The following FRYL variants were observed in gnomAD, a reference collection of about 807,000 sequenced individuals.
The protein encoded by FRYL is FRY like transcription coactivator.
Under a neutral mutation model 351.2 loss-of-function variants are expected in FRYL, and 150 were observed. That is an observed-to-expected ratio of 0.43 (90% CI 0.37 to 0.49). The LOEUF (loss-of-function observed/expected upper bound fraction) is 0.49. Among genes scored for constraint, FRYL ranks in the 20% least tolerant of loss-of-function variants. The pLI is 0.00. For missense variants in FRYL, 3,036 were observed against 3,619.3 expected (o/e 0.84, Z 4.13); for synonymous variants, 1,153 against 1,257.1 (o/e 0.92, Z 1.75).
intron 3 of FRYL, chr4:48,638,018 T>C (rs1560765761): frequency 1.3e-5 from 2 of 152,012 alleles, no homozygotes; most frequent in East Asian, 3.9e-4. Context: ...GCCCTCAAAA[T>C]ACACACTAGT....
At chr4:48,578,898 T>C (rs1740260328) in intron 23 of FRYL, 75 bp downstream of exon 23, 1 of 1,319,488 alleles carries the variant, frequency 7.6e-7, no homozygotes, top group African/African-American at 1.5e-5. Context: ...GTAATACTTT[T>C]GAATTTTTCA....
chr4:48,735,240 T>G (rs1204169486), intron 1 of FRYL, among the ~76,000 whole-genome samples: 1 of 89,474 alleles, frequency 1.1e-5, no homozygotes, highest in African/African-American at 4.4e-5. Flanking sequence ...TCACTGGTCA[T>G]CAGAGAAATG....
intron 1 of FRYL, among the ~76,000 whole-genome samples, chr4:48,741,657 C>T (rs1772091016): frequency 6.6e-6 from 1 of 152,014 alleles, no homozygotes; most frequent in Admixed American, 6.6e-5. Flanking sequence ...AATGGCGCCA[C>T]TATACTCCAT....
rs528424235 is a variant in FRYL at position 48,600,480 on chromosome 4, G to GA, written c.1035+1539dup. Reference sequence around the variant, plus strand: ...GATTGACATAGCCATTAATGAAAATGAACAATATGCCAGAAATATTTAACA... The same window carrying GA: ...GATTGACATAGCCATTAATGAAAATGAAACAATATGCCAGAAATATTTAACA... On this transcript the variant is annotated intron_variant, in intron 13 of 63. Transcript: ENST00000358350. Among the ~76,000 whole-genome samples the GA allele has an allele frequency of 5.7e-3, 865 of 152,154 alleles. 12 individuals carry two copies. The highest frequency in any genetic ancestry group is 4.5e-3 in the Non-Finnish European group (309 of 67,992).
intron 50 of FRYL, 33 bp downstream of exon 50, chr4:48,531,123 T>C: frequency 7.8e-7 from 1 of 1,287,880 alleles, no homozygotes; most frequent in Non-Finnish European, 1.1e-6. Flanking sequence ...AAATTCCTAG[T>C]AGAGTAACTT....
At position 48,535,705 on chromosome 4, in the gene FRYL, A is replaced by G; in HGVS notation, c.6516T>C (p.His2172=). The G allele has an allele frequency of 6.2e-7, 1 of 1,607,246 alleles. No homozygotes were observed. Among genetic ancestry groups the G allele is most frequent in the East Asian group, 2.2e-5 (1 of 44,680 alleles). The part of the protein sequence containing the change: ...NWINVVCRYL[H]DSFSDTTFNL... ...TAAATGTTGTATCTGAGAAGGAGTC[A>G]TGCAGGTATCTGCACACGACATTGA... is the stretch of plus-strand genomic sequence containing the variant. Residue 2172 remains histidine, a synonymous_variant, in exon 48 of 64, where the codon CAT becomes CAC. Coordinates refer to ENST00000358350, the MANE Select transcript of FRYL (RefSeq NM_015030.2).
chr4:48,719,676 G>T (rs1451622011), intron 1 of FRYL, among the ~76,000 whole-genome samples: 5 of 151,570 alleles, frequency 3.3e-5, no homozygotes, highest in Non-Finnish European at 7.4e-5. Flanking sequence ...GACACCTCTG[G>T]AAGTTAAGAT....
At chr4:48,653,877 C>T in intron 3 of FRYL, 1 of 1,278,970 alleles carries the variant, frequency 7.8e-7, no homozygotes, top group Admixed American at 2.4e-5. Context: ...TCTGTCTCTC[C>T]AAGCCGCTGT....
At position 48,567,482 on chromosome 4, in the gene FRYL, T is replaced by A; in HGVS notation, c.2997-62A>T. On this transcript the variant is annotated intron_variant, in intron 27 of 63. Coordinates refer to ENST00000358350, the MANE Select transcript of FRYL (RefSeq NM_015030.2). The surrounding 1 kb of genome is among the most constrained non-coding windows in gnomAD (Gnocchi z 4.2). Reference sequence around the variant, plus strand: ...GGGACTTTATGATTTAAATAAAAAATTCTTAATACTCAAAATCAGAATAAT... The same window carrying A: ...GGGACTTTATGATTTAAATAAAAAAATCTTAATACTCAAAATCAGAATAAT... The A allele has an allele frequency of 8.0e-7, 1 of 1,242,908 alleles. No homozygotes were observed. 77.0% of individuals were successfully genotyped at this position (1,242,908 alleles called of 1,614,324 possible).
intron 36 of FRYL, among the ~76,000 whole-genome samples, chr4:48,552,166 T>A (rs962124340): frequency 1.3e-5 from 2 of 151,792 alleles, no homozygotes; most frequent in African/African-American, 2.4e-5. Flanking sequence ...CCCCCCAACA[T>A]CCTTCTTACC....
At chr4:48,650,202 T>G (rs33995099) in intron 3 of FRYL, among the ~76,000 whole-genome samples, 32,849 of 152,124 alleles carry the variant, frequency 0.22, 4,476 homozygotes, top group Non-Finnish European at 0.3. Context: ...GAGACATCAG[T>G]AGCATAATAT....
intron 25 of FRYL, among the ~76,000 whole-genome samples, chr4:48,574,763 C>T (rs1035537141): frequency 6.6e-6 from 1 of 152,076 alleles, no homozygotes; most frequent in Admixed American, 6.6e-5. Flanking sequence ...AGGGGGAAAA[C>T]TGGAGTTTTA....
chr4:48,711,966 G>C (rs1212925993), intron 1 of FRYL, among the ~76,000 whole-genome samples: 2 of 152,248 alleles, frequency 1.3e-5, no homozygotes, highest in Non-Finnish European at 2.9e-5. Context: ...AGGGTCTGGA[G>C]TGGACCTTTA....
At chr4:48,747,442 A>T (rs1389969003) in intron 1 of FRYL, among the ~76,000 whole-genome samples, 4 of 152,246 alleles carry the variant, frequency 2.6e-5, no homozygotes, top group African/African-American at 9.6e-5. Context: ...TATTACTTTT[A>T]CAATTATTTT....
chr4:48,605,948 G>T (rs1746700840), intron 10 of FRYL, 115 bp from the exon 11 acceptor site: 4 of 652,418 alleles, frequency 6.1e-6, no homozygotes, highest in Admixed American at 3.2e-5. Flanking sequence ...TAAGGTCAAT[G>T]CATCTTCAAG....
intron 37 of FRYL, 42 bp downstream of exon 37, chr4:48,551,452 C>T: frequency 9.6e-7 from 1 of 1,047,080 alleles, no homozygotes; most frequent in Non-Finnish European, 1.4e-6. Flanking sequence ...CAACCAGTAT[C>T]TGTCAAACTG....
intron 44 of FRYL, among the ~76,000 whole-genome samples, chr4:48,542,760 C>A (rs1158519292): frequency 6.6e-6 from 1 of 152,074 alleles, no homozygotes; most frequent in Non-Finnish European, 1.5e-5. Flanking sequence ...TGACCACTTT[C>A]CTCTACCTCC....
chr4:48,681,059 C>T (rs868229894), intron 3 of FRYL: 2 of 1,285,956 alleles, frequency 1.6e-6, no homozygotes, highest in African/African-American at 3.0e-5. Flanking sequence ...GAACTTTCCT[C>T]AGTACTAGTA....
intron 17 of FRYL, among the ~76,000 whole-genome samples, chr4:48,590,437 C>T (rs6848417): frequency 0.98 from 149,825 of 152,276 alleles, 73,742 homozygotes; most frequent in East Asian, 1. Context: ...TCAGCCAAGA[C>T]TGCACCATGC....
Sources: gnomAD v4.1 joint callset for allele counts (sites outside exome capture counted in the v4.1 genomes callset) on GRCh38, gnomAD v4.1.1 for gene constraint, Gnocchi (gnomAD v3.1) non-coding constraint, MANE v1.5 for transcripts, NCBI Gene and HGNC (gene_info 2026-07-23, HGNC 2026-07-21) for gene names.